RIMS2: variants seen among roughly 807,000 people sequenced by gnomAD.
RIMS2 encodes the protein regulating synaptic membrane exocytosis 2, also known as regulating synaptic membrane exocytosis protein 2.
In RIMS2, 59 loss-of-function variants were observed where a neutral mutation model predicts 174.4. The observed-to-expected ratio is 0.34, with a 90% CI of 0.27 to 0.42. The LOEUF (loss-of-function observed/expected upper bound fraction) is 0.42, where lower values mean the gene tolerates loss of function less well. Among genes scored for constraint, RIMS2 ranks in the 10% least tolerant of loss-of-function variants. The pLI is 1.00. For missense variants in RIMS2, 1,620 were observed against 1,666.3 expected, an observed-to-expected ratio of 0.97 and a Z score of 0.48; for synonymous variants, 606 against 572.5, an observed-to-expected ratio of 1.06 and a Z score of -0.84.
intron 2 of RIMS2, among the ~76,000 whole-genome samples, chr8:103,711,487 G>C (rs976810189): frequency 1.3e-5 from 2 of 152,156 alleles, no homozygotes; most frequent in Non-Finnish European, 2.9e-5. Flanking sequence ...CTTTTTGATA[G>C]AAAGCCAGAT....
chr8:103,607,429 T>TTACC (rs1358017302), intron 1 of RIMS2, among the ~76,000 whole-genome samples: 2 of 151,950 alleles, frequency 1.3e-5, no homozygotes, highest in Non-Finnish European at 2.9e-5. Context: ...CTGGCTGCCC[T>TTACC]TAACATTTTT....
At chr8:103,994,629 A>G (rs2094951984) in intron 17 of RIMS2, among the ~76,000 whole-genome samples, 1 of 152,160 alleles carries the variant, frequency 6.6e-6, no homozygotes, top group African/African-American at 2.4e-5. Context: ...GATGCAGCAA[A>G]GGACCTTGAG....
chr8:103,697,497 C>T (rs920067251), intron 2 of RIMS2, among the ~76,000 whole-genome samples: 5 of 151,416 alleles, frequency 3.3e-5, no homozygotes, highest in Non-Finnish European at 7.4e-5. Context: ...TCACTTTAGC[C>T]CAGGAGTTCT....
At chr8:104,051,414 G>T (rs1171801894) in intron 19 of RIMS2, among the ~76,000 whole-genome samples, 3 of 152,068 alleles carry the variant, frequency 2.0e-5, no homozygotes, top group Non-Finnish European at 2.9e-5. Context: ...ATAGATTATA[G>T]ATCGTGCTGA....
At chr8:104,251,284 C>G in intron 23 of RIMS2, 121 bp downstream of exon 29, 2 of 911,626 alleles carry the variant, frequency 2.2e-6, no homozygotes, top group Non-Finnish European at 3.3e-6. Flanking sequence ...TCTTTGGAAA[C>G]TTTTCAAAGC....
rs1157058285 is a variant in RIMS2, at chr8:104,058,800, T to C, written c.3334+44185T>C. 2.6e-5 allele frequency among the ~76,000 whole-genome samples: 4 copies of C among 152,360 alleles called. No homozygotes were observed. In the East Asian group the frequency reaches 7.7e-4, roughly 29 times the overall value. On this transcript the variant is annotated intron_variant, in intron 19 of 23. Transcript: ENST00000504942. ...CTTTCTACGTATGGCTAGCCAATTTTCCCAGCACCATTTATTAAATAGGGA... is the reference window on the plus strand; with the variant it reads ...CTTTCTACGTATGGCTAGCCAATTTCCCCAGCACCATTTATTAAATAGGGA...
At chr8:103,561,543 T>G (rs565676511) in intron 1 of RIMS2, among the ~76,000 whole-genome samples, 1 of 152,286 alleles carries the variant, frequency 6.6e-6, no homozygotes, top group South Asian at 2.1e-4. Flanking sequence ...TCGAAAGACA[T>G]TTCTTGTTTA....
At chr8:103,763,720 T>C (rs2098137250) in intron 2 of RIMS2, among the ~76,000 whole-genome samples, 3 of 152,156 alleles carry the variant, frequency 2.0e-5, no homozygotes, top group Non-Finnish European at 2.9e-5. Flanking sequence ...TGCTCATCTG[T>C]CTTATATTAA....
chr8:104,143,407 G>T (rs2098602104), intron 19 of RIMS2, among the ~76,000 whole-genome samples: 1 of 152,002 alleles, frequency 6.6e-6, no homozygotes, highest in East Asian at 1.9e-4. Flanking sequence ...TTTTTTTCCT[G>T]CAAAGAACAT....
At chr8:103,723,063 G>A (rs898867861) in intron 2 of RIMS2, among the ~76,000 whole-genome samples, 1 of 152,146 alleles carries the variant, frequency 6.6e-6, no homozygotes, top group African/African-American at 2.4e-5. Flanking sequence ...AGTGAGCCGA[G>A]ATTGTGCCAC....
At chr8:103,593,324 A>G (rs1259069888) in intron 1 of RIMS2, among the ~76,000 whole-genome samples, 1 of 151,468 alleles carries the variant, frequency 6.6e-6, no homozygotes, top group African/African-American at 2.4e-5. Flanking sequence ...CAGCTGACCA[A>G]TGTGTGCTGC....
chr8:103,750,055 A>G (rs2097865780), intron 2 of RIMS2, among the ~76,000 whole-genome samples: 1 of 152,116 alleles, frequency 6.6e-6, no homozygotes, highest in East Asian at 1.9e-4. Context: ...CTACAAGATT[A>G]AGGAAATGGA....
chr8:103,941,479 C>T (rs62527122), intron 13 of RIMS2, among the ~76,000 whole-genome samples: 29,910 of 151,872 alleles, frequency 0.2, 3,588 homozygotes, highest in South Asian at 0.36. Flanking sequence ...ATAGCAAGAC[C>T]CTGTCTCAAA....
At chr8:103,726,689 ATTATTTATATTAATTATATATATATT>A (rs1346794755) in intron 2 of RIMS2, among the ~76,000 whole-genome samples, 1 of 147,964 alleles carries the variant, frequency 6.8e-6, no homozygotes, top group Non-Finnish European at 1.5e-5. Context: ...CCTCAATAGG[ATTATTTATATTAATTATATATATATT>A]TTATTTATAT....
At position 103,876,864 on chromosome 8, in the gene RIMS2, T is replaced by TTTTATATA. The variant is rs1378279723; in HGVS notation, c.699-8433_699-8432insTTATATAT. ...TGTATATATACACACACACACTATTTTATATATATATATATATATATATAT... is the reference window on the plus strand; with the variant it reads ...TGTATATATACACACACACACTATTTTTTATATATATATATATATATATATATATATAT... On this transcript the variant is annotated intron_variant, in intron 3 of 23. Transcript: ENST00000504942. 2.9e-3 allele frequency among the ~76,000 whole-genome samples: 194 copies of TTTTATATA among 67,838 alleles called. 1 individual carries two copies. Among genetic ancestry groups the TTTTATATA allele is most frequent in the Non-Finnish European group, 3.7e-3 (120 of 32,352 alleles). The allele number at this position is 67,838 out of a possible 152,430, so 44.5% of individuals were successfully genotyped here.
chr8:103,931,234 A>G lies in RIMS2; in HGVS notation c.2245-29A>G, dbSNP rs775146660. ...TTGTGTTTGTGTAGTAAATGTTTGAATTGATAAATGAATATTTTTGCTTTT... is the reference window on the plus strand; with the variant it reads ...TTGTGTTTGTGTAGTAAATGTTTGAGTTGATAAATGAATATTTTTGCTTTT... On this transcript the variant is annotated intron_variant, in intron 11 of 23. Transcript: ENST00000504942. The G allele has an allele frequency of 4.6e-6, 7 of 1,537,770 alleles. No homozygotes were observed. In the Admixed American group the frequency reaches 1.1e-4, roughly 25 times the overall value.
At chr8:103,951,889 C>T (rs1460601469) in intron 14 of RIMS2, among the ~76,000 whole-genome samples, 1 of 152,190 alleles carries the variant, frequency 6.6e-6, no homozygotes, top group Admixed American at 6.5e-5. Flanking sequence ...AGTCTGAGTT[C>T]TACCTGGGAC....
intron 14 of RIMS2, among the ~76,000 whole-genome samples, chr8:103,949,174 G>GAAGGA (rs1172406197): frequency 4.0e-5 from 6 of 148,410 alleles, no homozygotes; most frequent in Non-Finnish European, 9.0e-5. Context: ...AAGGGAAAGG[G>GAAGGA]AAGGAAAGGG....
intron 3 of RIMS2, chr8:103,819,618 G>T: frequency 6.2e-7 from 1 of 1,612,214 alleles, no homozygotes; most frequent in Non-Finnish European, 8.5e-7. Context: ...GACAAACACT[G>T]AACAATGCAA....
Sources: gnomAD v4.1 joint callset for allele counts (sites outside exome capture counted in the v4.1 genomes callset) on GRCh38, gnomAD v4.1.1 for gene constraint, MANE v1.5 for transcripts, NCBI Gene and HGNC (gene_info 2026-07-23, HGNC 2026-07-21) for gene names.